WNK4: variants seen among roughly 807,000 people sequenced by gnomAD.
WNK4 encodes serine/threonine-protein kinase WNK4.
Under a neutral mutation model 116.2 loss-of-function variants are expected in WNK4, and 94 were observed. The ratio of observed to expected loss-of-function variants is 0.81; its 90% confidence interval spans 0.68 to 0.96. The LOEUF (loss-of-function observed/expected upper bound fraction) is 0.96. Ranked by LOEUF, WNK4 falls within the 40% of genes least tolerant of loss-of-function variation. The pLI, the probability that WNK4 is intolerant of heterozygous loss-of-function variation, is 0.00. For synonymous variants in WNK4, 655 were observed against 672.7 expected (o/e 0.97, Z 0.41); for missense variants, 1,542 against 1,650.6 (o/e 0.93, Z 1.14).
In WNK4 at chr17:42,785,196, A is replaced by AT. The variant is rs1568027959; in HGVS notation, c.1259+11_1259+12insT. On this transcript the variant is annotated intron_variant, in intron 5 of 18. Transcript: ENST00000246914. ...GGATAAGAACGAGAGGTGGGGGTGAAAGGGCAGAGCGTGGGTAGAATAGGG... is the reference window on the plus strand; with the variant it reads ...GGATAAGAACGAGAGGTGGGGGTGAATAGGGCAGAGCGTGGGTAGAATAGGG... 1 of 1,613,286 alleles carries AT rather than the reference A, an allele frequency of 6.2e-7. No individual in the cohort carries two copies.
In WNK4 at chr17:42,788,750, C is replaced by A; in HGVS notation, c.2110C>A (p.Arg704=). 1 of 1,614,010 alleles carries A rather than the reference C, an allele frequency of 6.2e-7. No homozygotes were observed. Among genetic ancestry groups the A allele is most frequent in the African/African-American group, 1.3e-5 (1 of 74,974 alleles). Residue 704 remains arginine, a synonymous_variant, in exon 11 of 19, where the codon CGA becomes AGA. Coordinates refer to ENST00000246914, the MANE Select transcript of WNK4 (RefSeq NM_032387.5). ...CCATAACAGCAAGATGGTGACCTTC[C>A]GATTTGATCTGGATGGGGACAGCCC... ...QTHNSKMVTF[R]FDLDGDSPEE... is the part of the protein sequence containing the mutation.
Position 42,787,879 on chromosome 17 carries a change from T to A in WNK4, c.1843T>A (p.Ser615Thr), listed in dbSNP as rs1362676961. Reference sequence around the variant, plus strand: ...GGGGGTGCCATCCAGCCTGGCTGAGTCCCATCTCTGCCTGCCCTCGGTGAG... The same window carrying A: ...GGGGGTGCCATCCAGCCTGGCTGAGACCCATCTCTGCCTGCCCTCGGTGAG... The part of the protein sequence containing the change: ...PGGVPSSLAE[S>T]HLCLPSAFAL... The change falls in exon 8 of 19, where the codon TCC (serine) becomes ACC (threonine). Residue 615 changes from serine (S) to threonine (T), a missense_variant. By Grantham distance (58) the Ser-to-Thr change is moderately conservative. This residue lies in a region of WNK4 where 808 missense variants were observed against 873.6 expected (regional missense o/e 0.92). Coordinates refer to ENST00000246914, the MANE Select transcript of WNK4 (RefSeq NM_032387.5). 1 of 1,610,768 alleles carries A rather than the reference T, an allele frequency of 6.2e-7. No homozygotes were observed. The highest frequency in any genetic ancestry group is 1.7e-5 in the Admixed American group (1 of 60,008).
chr17:42,787,189 C>G, intron 6 of WNK4, 89 bp from the exon 7 acceptor site: 1 of 1,577,424 alleles, frequency 6.3e-7, no homozygotes, highest in Non-Finnish European at 8.6e-7. Flanking sequence ...TTTCTTCCTC[C>G]CATATCCTGG....
In WNK4 at chr17:42,781,100, G is replaced by A; in HGVS notation, c.402G>A (p.Pro134=). Reference sequence around the variant, plus strand: ...AGCTCCCGGACTCTGCAGTGGGCCCGGGGTCCAGGGAGCCGCTAAGGGTCC... The same window carrying A: ...AGCTCCCGGACTCTGCAGTGGGCCCAGGGTCCAGGGAGCCGCTAAGGGTCC... The part of the protein sequence containing the change: ...RPELPDSAVG[P]GSREPLRVPE... Residue 134 remains proline, a synonymous_variant, in exon 1 of 19, where the codon CCG becomes CCA. Coordinates refer to ENST00000246914, the MANE Select transcript of WNK4 (RefSeq NM_032387.5). The A allele has an allele frequency of 6.2e-7, 1 of 1,613,516 alleles. No homozygotes were observed. The highest frequency in any genetic ancestry group is 8.5e-7 in the Non-Finnish European group (1 of 1,179,832).
At position 42,796,858 on chromosome 17, in the gene WNK4, C is replaced by G. The variant is rs1054817763; in HGVS notation, c.*170C>G. 4.5e-6 allele frequency: 6 copies of G among 1,335,250 alleles called. No homozygotes were observed. The Admixed American group carries it at 1.2e-4, about 26-fold the overall frequency. The allele number at this position is 1,335,250 out of a possible 1,614,324, so 82.7% of individuals were successfully genotyped here. ...GTGCAGCTCCATTATAGTGAAGAGC[C>G]AAACATATGTGAACTGTTTGCTGTG... is the stretch of plus-strand genomic sequence containing the variant. On this transcript the variant is annotated 3_prime_UTR_variant, in exon 19 of 19. Coordinates refer to ENST00000246914, the MANE Select transcript of WNK4 (RefSeq NM_032387.5).
At chr17:42,794,056 G>C (rs59534595) in intron 12 of WNK4, 25 of 348,838 alleles carry the variant, frequency 7.2e-5, no homozygotes, top group Middle Eastern at 2.0e-3. Flanking sequence ...GGGTTTCACC[G>C]TGTTAGCCAG....
chr17:42,788,165 A>G lies in WNK4; in HGVS notation c.1899A>G (p.Gly633=), dbSNP rs1379859145. 1.9e-6 allele frequency: 3 copies of G among 1,614,012 alleles called. No homozygotes were observed. Among genetic ancestry groups the G allele is most frequent in the East Asian group, 2.2e-5 (1 of 44,888 alleles). The change falls in exon 9 of 19, where the codon GGA becomes GGG. Residue 633 remains glycine (G), a synonymous_variant. Transcript: ENST00000246914. ...TATCCATTCCACGTTCTGGCCCTGG[A>G]AGTGACTTTTCCCCCGGGGACAGGT... ...FALSIPRSGP[G]SDFSPGDSYA... is the part of the protein sequence containing the mutation.
Position 42,788,191 on chromosome 17 carries a change from A to G in WNK4, c.1922+3A>G. On this transcript the variant is annotated splice_donor_region_variant and intron_variant, in intron 9 of 18. Transcript: ENST00000246914. ...AGTGACTTTTCCCCCGGGGACAGGT[A>G]TGTTCTGGTACAAGTTGGGGTGCCA... 2 of 1,614,080 alleles carry G rather than the reference A, an allele frequency of 1.2e-6. No homozygotes were observed. Among genetic ancestry groups the G allele is most frequent in the Non-Finnish European group, 8.5e-7 (1 of 1,180,014 alleles).
intron 11 of WNK4, 43 bp downstream of exon 11, chr17:42,788,840 C>G: frequency 6.6e-7 from 1 of 1,516,350 alleles, no homozygotes; most frequent in Non-Finnish European, 9.2e-7. Context: ...GGATCTGGAA[C>G]AAGAGTCTCC....
At position 42,780,965 on chromosome 17, in the gene WNK4, C is replaced by T. The variant is rs773847066; in HGVS notation, c.267C>T (p.Ser89=). ...PAPDPPDPPD[S]AGPGPARSPP... ...CGGACCCCCCCGATCCTCCGGACTCCGCTGGTCCTGGCCCCGCGAGGAGCC... is the reference window on the plus strand; with the variant it reads ...CGGACCCCCCCGATCCTCCGGACTCTGCTGGTCCTGGCCCCGCGAGGAGCC... Residue 89 remains serine, a synonymous_variant, in exon 1 of 19, where the codon TCC becomes TCT. Transcript: ENST00000246914. 1.2e-4 allele frequency: 192 copies of T among 1,610,428 alleles called. No homozygotes were observed. The highest frequency in any genetic ancestry group is 1.7e-4 in the Middle Eastern group (1 of 6,048).
chr17:42,796,249 G>A lies in WNK4; in HGVS notation c.3558G>A (p.Gln1186=), dbSNP rs1004121793. The A allele has an allele frequency of 5.0e-6, 8 of 1,611,880 alleles. No homozygotes were observed. Among genetic ancestry groups the A allele is most frequent in the Non-Finnish European group, 5.9e-6 (7 of 1,179,326 alleles). Residue 1186 remains glutamine, a synonymous_variant, in exon 17 of 19, where the codon CAG becomes CAA. Transcript: ENST00000246914. Reference sequence around the variant, plus strand: ...CAGCTGCTATGCTGTCCAGCCGCCAGCGCCGCCTCTCCAAGGGCAGCTTCC... The same window carrying A: ...CAGCTGCTATGCTGTCCAGCCGCCAACGCCGCCTCTCCAAGGGCAGCTTCC... The part of the protein sequence containing the change: ...VAPAAMLSSR[Q]RRLSKGSFPT...
Position 42,785,125 on chromosome 17 carries a change from T to A in WNK4, c.1199T>A (p.Val400Glu). ...AGAAAGCCGAACAGCTTCCACAAGG[T>A]GAAGATACCCGAGGTGAAGGAGATC... ...SGRKPNSFHK[V>E]KIPEVKEIIE... Residue 400 changes from valine (V) to glutamate (E), a missense_variant, in exon 5 of 19, where the codon GTG becomes GAG. Physicochemically the swap from Val to Glu is moderately radical, Grantham distance 121. Transcript: ENST00000246914. 6.2e-7 allele frequency: 1 copy of A among 1,613,180 alleles called. No individual in the cohort carries two copies. The highest frequency in any genetic ancestry group is 8.5e-7 in the Non-Finnish European group (1 of 1,179,788).
intron 12 of WNK4, chr17:42,794,401 CATAAT>C: frequency 1.6e-6 from 1 of 614,088 alleles, no homozygotes; most frequent in East Asian, 2.8e-5. Flanking sequence ...TGTGTGCATA[CATAAT>C]ATATTTTTCG....
intron 6 of WNK4, 130 bp downstream of exon 6, chr17:42,785,612 C>A: frequency 8.6e-7 from 1 of 1,161,764 alleles, no homozygotes; most frequent in Admixed American, 2.0e-5. Context: ...CTCTCAAAAT[C>A]TCCTGCAGCG....
Position 42,780,860 on chromosome 17 carries a change from G to T in WNK4, c.162G>T (p.Pro54=), listed in dbSNP as rs1271486714. The part of the protein sequence containing the change: ...RRFSGKAEPR[P]RSSRLSRRSS... ...TCTCCGGGAAGGCTGAGCCCCGGCCGCGCTCTTCTCGTCTCAGCCGCCGTA... is the reference window on the plus strand; with the variant it reads ...TCTCCGGGAAGGCTGAGCCCCGGCCTCGCTCTTCTCGTCTCAGCCGCCGTA... Residue 54 remains proline, a synonymous_variant, in exon 1 of 19, where the codon CCG becomes CCT. Transcript: ENST00000246914. 6.2e-7 allele frequency: 1 copy of T among 1,603,434 alleles called. No homozygotes were observed.
At position 42,796,529 on chromosome 17, in the gene WNK4, A is replaced by C. The variant is rs368730175; in HGVS notation, c.3680A>C (p.Glu1227Ala). The C allele has an allele frequency of 7.4e-6, 12 of 1,613,884 alleles. No homozygotes were observed. The highest frequency in any genetic ancestry group is 1.0e-5 in the Non-Finnish European group (12 of 1,179,904). Residue 1227 changes from glutamate to alanine, a missense_variant, in exon 18 of 19, where the codon GAG (glutamate) becomes GCG (alanine). Around this residue, in one of 7 missense-constraint regions of WNK4, gnomAD observed 148 missense variants for 157.2 expected, o/e 0.94. Coordinates refer to ENST00000246914, the MANE Select transcript of WNK4 (RefSeq NM_032387.5). Reference sequence around the variant, plus strand: ...AGTGGCAGCAGCACCGGCTCCCAGGAGCAGCGGGCAAGCAAGGGGGTGACA... The same window carrying C: ...AGTGGCAGCAGCACCGGCTCCCAGGCGCAGCGGGCAAGCAAGGGGGTGACA... ...SLSGSSTGSQ[E>A]QRASKGVTFA...
In WNK4 at chr17:42,788,363, A is replaced by G; in HGVS notation, c.1996A>G (p.Arg666Gly). ...GGGACAAATGAGGAGACCCCCAGGGAGGAATCTCCGGCGCAGACCCCGATC... is the reference window on the plus strand; with the variant it reads ...GGGACAAATGAGGAGACCCCCAGGGGGGAATCTCCGGCGCAGACCCCGATC... ...GMGQMRRPPGRNLRRRPRSRL... is the reference protein window; with the variant it reads ...GMGQMRRPPGGNLRRRPRSRL... Residue 666 changes from arginine to glycine, a missense_variant, in exon 10 of 19, where the codon AGG (arginine) becomes GGG (glycine). Physicochemically the swap from Arg to Gly is moderately radical, Grantham distance 125 (BLOSUM62 -2). This residue lies in a region of WNK4 where 808 missense variants were observed against 873.6 expected (regional missense o/e 0.92). Coordinates refer to ENST00000246914, the MANE Select transcript of WNK4 (RefSeq NM_032387.5). 1 of 1,613,596 alleles carries G rather than the reference A, an allele frequency of 6.2e-7. No individual in the cohort carries two copies. Among genetic ancestry groups the G allele is most frequent in the Non-Finnish European group, 8.5e-7 (1 of 1,180,026 alleles).
rs749754094 is a variant in WNK4, at chr17:42,796,717, C to T, written c.*29C>T. 8.1e-6 allele frequency: 13 copies of T among 1,614,166 alleles called. No homozygotes were observed. Among genetic ancestry groups the T allele is most frequent in the East Asian group, 6.7e-5 (3 of 44,886 alleles). On this transcript the variant is annotated 3_prime_UTR_variant, in exon 19 of 19. Transcript: ENST00000246914. ...CAGAACAGAAGCCATGTATCTCCCC[C>T]ACACCAGGGCCCACCATGGAGCTTG...
chr17:42,795,094 G>A lies in WNK4; in HGVS notation c.2673G>A (p.Thr891=), dbSNP rs151077943. The change falls in exon 14 of 19, where the codon ACG becomes ACA. Residue 891 remains threonine, a synonymous_variant. Coordinates refer to ENST00000246914, the MANE Select transcript of WNK4 (RefSeq NM_032387.5). ...WSSLPTTSPP[T]FSPTCSQVTL... is the part of the protein sequence containing the mutation. Reference sequence around the variant, plus strand: ...CTCTCCCCACGACTTCTCCACCTACGTTCTCTCCCACTTGTTCTCAGGTCA... The same window carrying A: ...CTCTCCCCACGACTTCTCCACCTACATTCTCTCCCACTTGTTCTCAGGTCA... 6.4e-5 allele frequency: 103 copies of A among 1,613,650 alleles called. No homozygotes were observed. Among genetic ancestry groups the A allele is most frequent in the Admixed American group, 3.3e-4 (20 of 59,952 alleles).
Sources: gnomAD v4.1 joint callset for allele counts on GRCh38, gnomAD v4.1.1 for gene constraint, gnomAD v4.1.1 regional missense constraint, MANE v1.5 for transcripts, NCBI Gene and HGNC (gene_info 2026-07-23, HGNC 2026-07-21) for gene names.